Variants in TRPM3 observed in about 807,000 individuals in gnomAD.
TRPM3 encodes long transient receptor potential channel 3.
In TRPM3, 77 loss-of-function variants were observed where a neutral mutation model predicts 181.2. That is an observed-to-expected ratio of 0.42 (90% confidence interval 0.35 to 0.51). TRPM3 has a LOEUF of 0.51. Among genes scored for constraint, TRPM3 ranks in the 20% least tolerant of loss-of-function variants. TRPM3 has a pLI of 0.01. For missense variants in TRPM3, 1,759 were observed against 2,196.7 expected (o/e 0.80, Z 3.98); for synonymous variants, 745 against 796.4 (o/e 0.94, Z 1.09).
At chr9:70,691,255 T>C (rs2068456904) in intron 8 of TRPM3, among the ~76,000 whole-genome samples, 1 of 152,212 alleles carries the variant, frequency 6.6e-6, no homozygotes, top group Admixed American at 6.5e-5. Context: ...GCTAGGGAGC[T>C]AGAAATTGGG....
chr9:71,168,469 G>A (rs2076642166), intron 1 of TRPM3, among the ~76,000 whole-genome samples: 1 of 145,550 alleles, frequency 6.9e-6, no homozygotes, highest in Non-Finnish European at 1.5e-5. Flanking sequence ...TCTTGGCAAT[G>A]TCAGCATCAC....
chr9:70,787,314 A>G lies in TRPM3; in HGVS notation c.974-3035T>C, dbSNP rs567380604. ...CAAAAATTGAACGGAGCAAACTGTCATCTTTTTCATAAACATTGAATATAT... is the reference window on the plus strand; with the variant it reads ...CAAAAATTGAACGGAGCAAACTGTCGTCTTTTTCATAAACATTGAATATAT... On this transcript the variant is annotated intron_variant, in intron 6 of 25. Coordinates refer to ENST00000677713, the MANE Select transcript of TRPM3 (RefSeq NM_001366145.2). Among the ~76,000 whole-genome samples the G allele has an allele frequency of 2.6e-5, 4 of 152,326 alleles. No homozygotes were observed. The South Asian group carries it at 8.3e-4, about 32-fold the overall frequency.
chr9:70,845,541 G>A (rs527457575), intron 4 of TRPM3, among the ~76,000 whole-genome samples: 12 of 152,222 alleles, frequency 7.9e-5, no homozygotes, highest in South Asian at 4.1e-4. Flanking sequence ...TACCTGGCCC[G>A]AGATAATGTG....
chr9:71,017,555 AAGAC>A (rs1343585202), intron 1 of TRPM3, among the ~76,000 whole-genome samples: 3 of 151,890 alleles, frequency 2.0e-5, no homozygotes, highest in Non-Finnish European at 4.4e-5. Context: ...GACACAAAGA[AAGAC>A]AGGCTAATAT....
intron 6 of TRPM3, among the ~76,000 whole-genome samples, chr9:70,821,608 T>C (rs1475742884): frequency 1.3e-5 from 2 of 152,188 alleles, no homozygotes; most frequent in Non-Finnish European, 2.9e-5. Flanking sequence ...TATGAACCTG[T>C]TTACTTAAAC....
chr9:70,971,450 C>T (rs1212140417), intron 1 of TRPM3, among the ~76,000 whole-genome samples: 1 of 152,072 alleles, frequency 6.6e-6, no homozygotes, highest in East Asian at 1.9e-4. Flanking sequence ...CCGCTAGGAA[C>T]ACTCTCTACC....
At chr9:70,813,846 C>T (rs1316679918) in intron 6 of TRPM3, among the ~76,000 whole-genome samples, 1 of 152,058 alleles carries the variant, frequency 6.6e-6, no homozygotes, top group Non-Finnish European at 1.5e-5. Context: ...TAAAGGTATC[C>T]CCTTAAGGGT....
intron 3 of TRPM3, among the ~76,000 whole-genome samples, chr9:70,862,137 C>T (rs948723798): frequency 2.0e-5 from 3 of 152,124 alleles, no homozygotes; most frequent in Non-Finnish European, 2.9e-5. Flanking sequence ...GAACAGACAT[C>T]TCCTGCTCCA....
At chr9:71,342,196 T>C (rs1266317835) in intron 1 of TRPM3, among the ~76,000 whole-genome samples, 1 of 146,758 alleles carries the variant, frequency 6.8e-6, no homozygotes, top group Non-Finnish European at 1.5e-5. Context: ...TTTGGCACAT[T>C]TGGAATGCCA....
intron 6 of TRPM3, among the ~76,000 whole-genome samples, chr9:70,791,731 TA>T (rs1377624154): frequency 1.3e-5 from 2 of 152,136 alleles, no homozygotes; most frequent in African/African-American, 4.8e-5. Flanking sequence ...CACACAGTGA[TA>T]AAAAATTGAA....
chr9:71,177,410 A>G (rs2077162820), intron 1 of TRPM3, among the ~76,000 whole-genome samples: 1 of 152,126 alleles, frequency 6.6e-6, no homozygotes, highest in East Asian at 1.9e-4. Context: ...CATCCCTGGT[A>G]CCAAAAAGGT....
At position 71,392,149 on chromosome 9, in the gene TRPM3, T is replaced by C. The variant is rs200890964; in HGVS notation, c.183+54504A>G. 7.9e-5 allele frequency among the ~76,000 whole-genome samples: 12 copies of C among 152,138 alleles called. No individual in the cohort carries two copies. In the East Asian group the frequency reaches 1.4e-3, roughly 17 times the overall value. ...GAAAATTAGGCAGACTGTGGTGAAA[T>C]AGAGTGTGCTTGCCCCACATTTAGG... On this transcript the variant is annotated intron_variant, in intron 1 of 24. Coordinates refer to the TRPM3 transcript ENST00000357533.
At chr9:71,269,659 AG>A (rs1159910822) in intron 1 of TRPM3, among the ~76,000 whole-genome samples, 1 of 152,208 alleles carries the variant, frequency 6.6e-6, no homozygotes, top group Non-Finnish European at 1.5e-5. Flanking sequence ...GAAAAATCGG[AG>A]TGAGTGATGC....
chr9:71,038,557 T>C (rs2058471268), intron 1 of TRPM3, among the ~76,000 whole-genome samples: 1 of 152,164 alleles, frequency 6.6e-6, no homozygotes, highest in Non-Finnish European at 1.5e-5. Context: ...TCTTCTTCCC[T>C]CTCTCCTTAT....
chr9:71,321,323 G>T (rs187442391), intron 1 of TRPM3, among the ~76,000 whole-genome samples: 12 of 152,174 alleles, frequency 7.9e-5, no homozygotes, highest in South Asian at 4.1e-4. Flanking sequence ...TATACCAAAT[G>T]CTTTGAAATT....
intron 1 of TRPM3, among the ~76,000 whole-genome samples, chr9:70,924,543 C>A (rs2096700237): frequency 6.6e-6 from 1 of 152,012 alleles, no homozygotes; most frequent in Non-Finnish European, 1.5e-5. Context: ...TAATGATTTT[C>A]TTTGGATGGA....
At chr9:71,277,817 C>T (rs1366626059) in intron 1 of TRPM3, among the ~76,000 whole-genome samples, 1 of 152,146 alleles carries the variant, frequency 6.6e-6, no homozygotes, top group African/African-American at 2.4e-5. Context: ...AATCCACATA[C>T]ACATGAAATA....
chr9:71,348,228 T>C (rs2091402466), intron 1 of TRPM3, among the ~76,000 whole-genome samples: 1 of 152,176 alleles, frequency 6.6e-6, no homozygotes, highest in African/African-American at 2.4e-5. Flanking sequence ...ATTTAGAAAT[T>C]ACCCAGAAAA....
chr9:70,930,822 C>T (rs1256117356), intron 1 of TRPM3, among the ~76,000 whole-genome samples: 2 of 151,914 alleles, frequency 1.3e-5, no homozygotes, highest in Non-Finnish European at 2.9e-5. Context: ...AAGACAAAAC[C>T]TTGCAGCATG....
Sources: allele counts gnomAD v4.1 joint callset (sites outside exome capture counted in the v4.1 genomes callset), GRCh38; gene constraint gnomAD v4.1.1; transcripts MANE v1.5; gene names NCBI Gene and HGNC (gene_info 2026-07-23, HGNC 2026-07-21).